The following SPATA46 variants were observed in gnomAD, a reference collection of about 807,000 sequenced individuals.
The protein encoded by SPATA46 is spermatogenesis-associated protein 46.
Under a neutral mutation model 6.2 loss-of-function variants are expected in SPATA46, and 3 were observed. The observed-to-expected ratio is 0.48, with a 90% CI of 0.22 to 1.25. The LOEUF (loss-of-function observed/expected upper bound fraction) is 1.25. Among genes scored for constraint, SPATA46 ranks in the 50% most tolerant of loss-of-function variants. SPATA46 has a pLI of 0.20. For missense variants in SPATA46, 308 were observed against 323.5 expected, an observed-to-expected ratio of 0.95 and a Z score of 0.37; for synonymous variants, 117 against 123.3, an observed-to-expected ratio of 0.95 and a Z score of 0.34.
At position 162,374,372 on chromosome 1, in the gene SPATA46, G is replaced by C. The variant is rs1021346898; in HGVS notation, c.462C>G (p.Thr154=). Residue 154 remains threonine, a synonymous_variant, in exon 3 of 3, where the codon ACC becomes ACG. Coordinates refer to ENST00000367935, the MANE Select transcript of SPATA46 (RefSeq NM_182581.4). ...AGTCCAGGCCATGCCTGGATTTCTTGGTGGCTTCTCGAGGGCAAGTGTTCT... is the reference window on the plus strand; with the variant it reads ...AGTCCAGGCCATGCCTGGATTTCTTCGTGGCTTCTCGAGGGCAAGTGTTCT... The part of the protein sequence containing the change: ...SPENTCPREA[T]KKSRHGLDSI... The C allele has an allele frequency of 1.2e-6, 2 of 1,614,112 alleles. No individual in the cohort carries two copies. The highest frequency in any genetic ancestry group is 2.7e-5 in the African/African-American group (2 of 74,942).
At chr1:162,375,517 G>T in intron 1 of SPATA46, 114 bp from the exon 2 acceptor site, 4 of 758,830 alleles carry the variant, frequency 5.3e-6, no homozygotes, top group African/African-American at 1.7e-5. Flanking sequence ...TCTCAACGCT[G>T]AAACAGAACA....
Position 162,373,418 on chromosome 1 carries a change from C to T in SPATA46, c.*630G>A, listed in dbSNP as rs190515123. 3.5e-4 allele frequency: 54 copies of T among 152,296 alleles called. No individual in the cohort carries two copies. The highest frequency in any genetic ancestry group is 1.3e-3 in the African/African-American group (53 of 41,542). The allele number at this position is 152,296 out of a possible 1,614,324, so 9.4% of individuals were successfully genotyped here. A position where few individuals can be genotyped will look rare whatever the true frequency, so the allele number is the denominator to read the frequency against. On this transcript the variant is annotated 3_prime_UTR_variant, in exon 3 of 3. Transcript: ENST00000367935. The stretch of plus-strand genomic sequence containing the variant: ...CTCCTGGGTCAAAACTGATTCTATT[C>T]TGCCCCAGCACTGGATGGCTGTTCT...
At chr1:162,376,651 A>C (rs763041000) in intron 1 of SPATA46, 37 bp downstream of exon 1, 23 of 1,545,696 alleles carry the variant, frequency 1.5e-5, no homozygotes, top group Middle Eastern at 1.7e-4. Context: ...TTCAAAAAAA[A>C]CCACATCTTT....
chr1:162,376,807 G>T lies in SPATA46; in HGVS notation c.-17C>A. 6.2e-7 allele frequency: 1 copy of T among 1,613,006 alleles called. No individual in the cohort carries two copies. The highest frequency in any genetic ancestry group is 8.5e-7 in the Non-Finnish European group (1 of 1,179,716). On this transcript the variant is annotated 5_prime_UTR_variant, in exon 1 of 3. Coordinates refer to ENST00000367935, the MANE Select transcript of SPATA46 (RefSeq NM_182581.4). ...GTTCTCCATATTCTGACCACTGCGG[G>T]GGTACAGAGATCACACGCCTGCTCT...
At position 162,376,713 on chromosome 1, in the gene SPATA46, C is replaced by G; in HGVS notation, c.78G>C (p.Met26Ile). The G allele has an allele frequency of 6.2e-7, 1 of 1,614,064 alleles. No individual in the cohort carries two copies. Among genetic ancestry groups the G allele is most frequent in the Non-Finnish European group, 8.5e-7 (1 of 1,180,030 alleles). The change falls in exon 1 of 3, where the codon ATG becomes ATC. Residue 26 changes from methionine to isoleucine, a missense_variant. Coordinates refer to ENST00000367935, the MANE Select transcript of SPATA46 (RefSeq NM_182581.4). ...SSALSAFPDI[M>I]FSRATSLPDI... Reference sequence around the variant, plus strand: ...CTGGCAGGCTGGTGGCACGAGAGAACATAATGTCGGGAAAAGCACTCAGGG... The same window carrying G: ...CTGGCAGGCTGGTGGCACGAGAGAAGATAATGTCGGGAAAAGCACTCAGGG...
rs762773663 is a variant in SPATA46, at chr1:162,375,302, CTG to C, written c.203_204del (p.Thr68SerfsTer47). ...SIIVRQGIQN[T>X]ALSPDCSLGD... ...GAGAAGTCCTCACCTGGTGAGAGCG[CTG>C]TGTTCTGTATCCCTTGCCTGACAAT... is the stretch of plus-strand genomic sequence containing the variant. On this transcript the variant is annotated frameshift_variant, in exon 2 of 3. Coordinates refer to ENST00000367935, the MANE Select transcript of SPATA46 (RefSeq NM_182581.4). LOFTEE classifies it low-confidence loss of function (END_TRUNC). The C allele has an allele frequency of 6.8e-6, 11 of 1,613,580 alleles. No homozygotes were observed. Among genetic ancestry groups the C allele is most frequent in the Non-Finnish European group, 9.3e-6 (11 of 1,179,484 alleles).
Position 162,373,929 on chromosome 1 carries a change from G to T in SPATA46, c.*119C>A. Reference sequence around the variant, plus strand: ...AGAGAAAGGGGAGGGTGTGTGCCTGGTGTTGCTAGGCAACCATTAGCCAAA... The same window carrying T: ...AGAGAAAGGGGAGGGTGTGTGCCTGTTGTTGCTAGGCAACCATTAGCCAAA... On this transcript the variant is annotated 3_prime_UTR_variant, in exon 3 of 3. Transcript: ENST00000367935. 2.1e-6 allele frequency: 2 copies of T among 952,220 alleles called. No individual in the cohort carries two copies. The highest frequency in any genetic ancestry group is 1.8e-5 in the South Asian group (1 of 56,844). The allele number at this position is 952,220 out of a possible 1,614,324, so 59.0% of individuals were successfully genotyped here.
At chr1:162,375,912 G>A (rs1647644745) in intron 1 of SPATA46, among the ~76,000 whole-genome samples, 1 of 152,198 alleles carries the variant, frequency 6.6e-6, no homozygotes, top group African/African-American at 2.4e-5. Flanking sequence ...TCAAATCCCA[G>A]AATAGCAGCT....
rs1195898840 is a variant in SPATA46 at position 162,375,373 on chromosome 1, G to A, written c.134C>T (p.Ala45Val). ...TGGCAGGGCCTGAGCTGGGCTGGAT[G>A]CCTCAGTGGGTACTGCTGTCTTTGC... ...DIAKTAVPTE[A>V]SSPAQALPPQ... Residue 45 changes from alanine to valine, a missense_variant, in exon 2 of 3, where the codon GCA becomes GTA. By Grantham distance (64) the Ala-to-Val change is moderately conservative (BLOSUM62 0). Transcript: ENST00000367935. 6.2e-7 allele frequency: 1 copy of A among 1,614,162 alleles called. No individual in the cohort carries two copies. Among genetic ancestry groups the A allele is most frequent in the African/African-American group, 1.3e-5 (1 of 75,044 alleles).
chr1:162,375,400 A>G lies in SPATA46; in HGVS notation c.107T>C (p.Ile36Thr), dbSNP rs751316881. 4 of 1,613,530 alleles carry G rather than the reference A, an allele frequency of 2.5e-6. No homozygotes were observed. Among genetic ancestry groups the G allele is most frequent in the Non-Finnish European group, 2.5e-6 (3 of 1,179,634 alleles). Residue 36 changes from isoleucine to threonine, a missense_variant, in exon 2 of 3, where the codon ATT (isoleucine) becomes ACT (threonine). By Grantham distance (89) the Ile-to-Thr change is moderately conservative (BLOSUM62 -1). Coordinates refer to ENST00000367935, the MANE Select transcript of SPATA46 (RefSeq NM_182581.4). Reference protein sequence around the residue: ...MFSRATSLPDIAKTAVPTEAS... With the variant: ...MFSRATSLPDTAKTAVPTEAS... The stretch of plus-strand genomic sequence containing the variant: ...CTCAGTGGGTACTGCTGTCTTTGCA[A>G]TGTCTGGGTTATAGAAGAAACACTG...
chr1:162,374,730 C>G (rs932870119), intron 2 of SPATA46, 114 bp from the exon 3 acceptor site: 16 of 1,069,712 alleles, frequency 1.5e-5, no homozygotes, highest in Non-Finnish European at 2.1e-5. Flanking sequence ...ACCTCCACCC[C>G]ACCACGATTG....
In SPATA46 at chr1:162,374,376, G is replaced by T; in HGVS notation, c.458C>A (p.Ala153Asp). 1 of 1,614,230 alleles carries T rather than the reference G, an allele frequency of 6.2e-7. No individual in the cohort carries two copies. The highest frequency in any genetic ancestry group is 8.5e-7 in the Non-Finnish European group (1 of 1,180,038). The change falls in exon 3 of 3, where the codon GCC becomes GAC. Residue 153 changes from alanine (A) to aspartate (D), a missense_variant. Ala to Asp is a moderately radical substitution (Grantham distance 126). Coordinates refer to ENST00000367935, the MANE Select transcript of SPATA46 (RefSeq NM_182581.4). ...SSPENTCPRE[A>D]TKKSRHGLDS... ...CAGGCCATGCCTGGATTTCTTGGTG[G>T]CTTCTCGAGGGCAAGTGTTCTCTGG...
chr1:162,375,449 C>T, intron 1 of SPATA46, 46 bp from the exon 2 acceptor site: 1 of 1,540,476 alleles, frequency 6.5e-7, no homozygotes, highest in Non-Finnish European at 9.0e-7. Flanking sequence ...GGTTGGGATT[C>T]CACTTTCTGG....
rs750637091 is a variant in SPATA46 at position 162,374,036 on chromosome 1, A to T, written c.*12T>A. 6.3e-6 allele frequency: 10 copies of T among 1,576,170 alleles called. No individual in the cohort carries two copies. The African/African-American group carries it at 1.2e-4, about 19-fold the overall frequency. On this transcript the variant is annotated 3_prime_UTR_variant, in exon 3 of 3. Coordinates refer to ENST00000367935, the MANE Select transcript of SPATA46 (RefSeq NM_182581.4). Reference sequence around the variant, plus strand: ...TGGACAGAAGGCTGTGACTAACTTTATTGGCATCTCTCTAGAGACATAAGT... The same window carrying T: ...TGGACAGAAGGCTGTGACTAACTTTTTTGGCATCTCTCTAGAGACATAAGT...
Position 162,374,347 on chromosome 1 carries a change from A to C in SPATA46, c.487T>G (p.Ser163Ala), listed in dbSNP as rs1647548362. The change falls in exon 3 of 3, where the codon TCC becomes GCC. Residue 163 changes from serine (S) to alanine (A), a missense_variant. Physicochemically the swap from Ser to Ala is moderately conservative, Grantham distance 99 (BLOSUM62 1). Coordinates refer to ENST00000367935, the MANE Select transcript of SPATA46 (RefSeq NM_182581.4). ...ATTAGGATGTCCTGGGATGTGATGGAGTCCAGGCCATGCCTGGATTTCTTG... is the reference window on the plus strand; with the variant it reads ...ATTAGGATGTCCTGGGATGTGATGGCGTCCAGGCCATGCCTGGATTTCTTG... Reference protein sequence around the residue: ...ATKKSRHGLDSITSQDILMAS... With the variant: ...ATKKSRHGLDAITSQDILMAS... The C allele has an allele frequency of 6.2e-7, 1 of 1,613,978 alleles. No individual in the cohort carries two copies. Among genetic ancestry groups the C allele is most frequent in the Non-Finnish European group, 8.5e-7 (1 of 1,179,996 alleles).
chr1:162,376,692 C>G lies in SPATA46; in HGVS notation c.99G>C (p.Leu33=), dbSNP rs1469694637. 1.2e-6 allele frequency: 2 copies of G among 1,613,818 alleles called. No homozygotes were observed. ...PDIMFSRATS[L]PDIAKTAVPT... is the part of the protein sequence containing the mutation. ...CCTAGTGGCACCAAAGTTTACCTGG[C>G]AGGCTGGTGGCACGAGAGAACATAA... The change falls in exon 1 of 3, where the codon CTG becomes CTC. Residue 33 remains leucine (L), a synonymous_variant. Coordinates refer to ENST00000367935, the MANE Select transcript of SPATA46 (RefSeq NM_182581.4).
At position 162,374,182 on chromosome 1, in the gene SPATA46, T is replaced by TG. The variant is rs768281832; in HGVS notation, c.651dup (p.Lys218GlnfsTer28). On this transcript the variant is annotated frameshift_variant, in exon 3 of 3. Transcript: ENST00000367935. LOFTEE classifies it low-confidence loss of function (END_TRUNC). The stretch of plus-strand genomic sequence containing the variant: ...TCCTTGCTCCAGAGGGCTTTGAGCT[T>TG]GCGGTAGTACACCTTGCAGCTGAAG... The TG allele has an allele frequency of 1.6e-5, 26 of 1,614,104 alleles. No individual in the cohort carries two copies. Among genetic ancestry groups the TG allele is most frequent in the Non-Finnish European group, 2.1e-5 (25 of 1,180,038 alleles).
rs1647556915 is a variant in SPATA46 at position 162,374,465 on chromosome 1, C to G, written c.369G>C (p.Glu123Asp). Reference sequence around the variant, plus strand: ...CAGAAAGGCAGTTGTCCCACTTGCCCTCATCCTGCTGCACCTCTGGGAAGT... The same window carrying G: ...CAGAAAGGCAGTTGTCCCACTTGCCGTCATCCTGCTGCACCTCTGGGAAGT... ...AYDFPEVQQD[E>D]GKWDNCLSED... The change falls in exon 3 of 3, where the codon GAG becomes GAC. Residue 123 changes from glutamate to aspartate, a missense_variant. Glu to Asp is a conservative substitution (Grantham distance 45). Transcript: ENST00000367935. The G allele has an allele frequency of 6.2e-7, 1 of 1,614,246 alleles. No individual in the cohort carries two copies. Among genetic ancestry groups the G allele is most frequent in the African/African-American group, 1.3e-5 (1 of 75,068 alleles).
intron 1 of SPATA46, among the ~76,000 whole-genome samples, chr1:162,375,896 C>A (rs1181430869): frequency 6.6e-6 from 1 of 152,192 alleles, no homozygotes; most frequent in Admixed American, 6.5e-5. Context: ...AAAAAGCTGA[C>A]CTGCCTCAAA....
Sources: gnomAD v4.1 joint callset for allele counts (sites outside exome capture counted in the v4.1 genomes callset) on GRCh38, gnomAD v4.1.1 for gene constraint, MANE v1.5 for transcripts, NCBI Gene and HGNC (gene_info 2026-07-23, HGNC 2026-07-21) for gene names.